TDRD1: variants seen among roughly 807,000 people sequenced by gnomAD.
TDRD1 encodes tudor domain-containing protein 1.
A neutral mutation model predicts 140.6 loss-of-function variants in TDRD1; 37 were observed. The observed-to-expected ratio is 0.26, with a 90% CI of 0.20 to 0.35. TDRD1 has a LOEUF of 0.35. Among genes scored for constraint, TDRD1 ranks in the 10% least tolerant of loss-of-function variants. The pLI is 1.00. For missense variants in TDRD1, 1,243 were observed against 1,393.0 expected (o/e 0.89, Z 1.71); for synonymous variants, 506 against 475.7 (o/e 1.06, Z -0.83).
At chr10:114,197,204 T>C (rs2034424888) in intron 3 of TDRD1, among the ~76,000 whole-genome samples, 1 of 152,088 alleles carries the variant, frequency 6.6e-6, no homozygotes. Flanking sequence ...TCTGAAGTCA[T>C]AGAATACTAG....
At chr10:114,225,979 G>C in intron 21 of TDRD1, 70 bp from the exon 22 acceptor site, 1 of 1,306,734 alleles carries the variant, frequency 7.7e-7, no homozygotes, top group South Asian at 1.2e-5. Context: ...ATATAACTAT[G>C]AATAGCCATC....
intron 2 of TDRD1, among the ~76,000 whole-genome samples, chr10:114,190,100 A>C (rs1183250847): frequency 6.6e-6 from 1 of 152,076 alleles, no homozygotes; most frequent in Non-Finnish European, 1.5e-5. Flanking sequence ...TTTTTTTTTC[A>C]GATACCAAAA....
chr10:114,206,097 C>T (rs1390679494), intron 10 of TDRD1, 147 bp from the exon 11 acceptor site: 4 of 611,434 alleles, frequency 6.5e-6, no homozygotes, highest in Non-Finnish European at 8.6e-6. Context: ...ATAGCTTACC[C>T]ATAGGAACTG....
At chr10:114,217,174 C>T (rs1485074044) in intron 16 of TDRD1, among the ~76,000 whole-genome samples, 1 of 152,190 alleles carries the variant, frequency 6.6e-6, no homozygotes, top group South Asian at 2.1e-4. Context: ...ACTTCTTATA[C>T]ATTACCTGTG....
chr10:114,209,727 T>G (rs2035362088), intron 11 of TDRD1, among the ~76,000 whole-genome samples: 1 of 152,230 alleles, frequency 6.6e-6, no homozygotes, highest in African/African-American at 2.4e-5. Context: ...GCCTCCCCTT[T>G]GTCTTCAGAG....
chr10:114,231,500 G>C, exon 26 of TDRD1: 1 of 1,601,750 alleles, frequency 6.2e-7, no homozygotes, highest in Non-Finnish European at 8.5e-7. Flanking sequence ...AGCATCTCTT[G>C]GAGGTAAACC....
At chr10:114,202,975 T>C in intron 6 of TDRD1, 97 bp from the exon 7 acceptor site, 1 of 783,976 alleles carries the variant, frequency 1.3e-6, no homozygotes, top group Non-Finnish European at 2.2e-6. Flanking sequence ...GCCTAAGAGT[T>C]AGGATATTGT....
exon 2 of TDRD1, chr10:114,188,115 A>G (rs1287927435): frequency 6.2e-7 from 1 of 1,607,154 alleles, no homozygotes; most frequent in Admixed American, 1.7e-5. Context: ...ATCAACGGAG[A>G]AGTAGTTGGC....
Position 114,181,628 on chromosome 10 carries a change from C to T in TDRD1, c.-7+2212C>T, listed in dbSNP as rs543430891. 3.1e-4 allele frequency among the ~76,000 whole-genome samples: 47 copies of T among 152,122 alleles called. No homozygotes were observed. The South Asian group carries it at 3.7e-3, about 12-fold the overall frequency. ...CAGCGCTTCGGGAGGCTGAGGCGGG[C>T]GGATCACCTGAGGTTAGGAGTTTGA... On this transcript the variant is annotated intron_variant, in intron 1 of 25. Transcript: ENST00000251864.
intron 25 of TDRD1, chr10:114,228,339 CA>C: frequency 1.5e-6 from 2 of 1,313,388 alleles, no homozygotes; most frequent in Non-Finnish European, 1.9e-6. Context: ...ACTGAACCCC[CA>C]GGGGTATTCC....
chr10:114,229,450 C>A (rs144967717), intron 25 of TDRD1, among the ~76,000 whole-genome samples: 1 of 152,024 alleles, frequency 6.6e-6, no homozygotes, highest in African/African-American at 2.4e-5. Flanking sequence ...TCTCATGTTT[C>A]CTTTTACAAA....
chr10:114,190,089 CT>C (rs201554155), intron 2 of TDRD1, among the ~76,000 whole-genome samples: 21 of 151,570 alleles, frequency 1.4e-4, no homozygotes, highest in Middle Eastern at 3.4e-3. Flanking sequence ...GGAGGCCAAA[CT>C]TTTTTTTTCA....
chr10:114,196,704 T>C (rs1463016820), intron 3 of TDRD1, among the ~76,000 whole-genome samples: 1 of 152,078 alleles, frequency 6.6e-6, no homozygotes, highest in Non-Finnish European at 1.5e-5. Context: ...CTCTTTCTGC[T>C]TTCAAGCTTT....
intron 11 of TDRD1, among the ~76,000 whole-genome samples, chr10:114,208,579 A>C (rs2035277361): frequency 6.6e-6 from 1 of 152,068 alleles, no homozygotes; most frequent in Admixed American, 6.6e-5. Flanking sequence ...GCCCAGCTGC[A>C]CTCAGCCTGG....
At chr10:114,204,643 ATTCT>A (rs2034984041) in intron 9 of TDRD1, 75 bp from the exon 10 acceptor site, 5 of 1,377,774 alleles carry the variant, frequency 3.6e-6, no homozygotes, top group African/African-American at 1.5e-5. Context: ...CATGAAATAC[ATTCT>A]TTTATATACA....
intron 16 of TDRD1, among the ~76,000 whole-genome samples, chr10:114,214,924 A>G (rs11599361): frequency 0.011 from 1,719 of 151,808 alleles, 11 homozygotes; most frequent in Non-Finnish European, 0.018. Context: ...TGTATTTTTA[A>G]TAAAGGTGGG....
At chr10:114,199,417 T>C (rs993174057) in intron 4 of TDRD1, 100 bp downstream of exon 4, 2 of 1,432,626 alleles carry the variant, frequency 1.4e-6, no homozygotes, top group African/African-American at 2.9e-5. Context: ...ATTAGAACAG[T>C]GTCCCCATGC....
chr10:114,199,862 A>C (rs2034613685), intron 4 of TDRD1, among the ~76,000 whole-genome samples: 1 of 152,158 alleles, frequency 6.6e-6, no homozygotes, highest in South Asian at 2.1e-4. Context: ...TCTATTGATG[A>C]ATATTTTGGC....
upstream of TDRD1, among the ~76,000 whole-genome samples, chr10:114,177,742 G>A (rs1434568857): frequency 6.6e-6 from 1 of 152,032 alleles, no homozygotes; most frequent in East Asian, 1.9e-4. Context: ...TATAACAAAT[G>A]TATCATGCTA....
Sources: allele counts gnomAD v4.1 joint callset (sites outside exome capture counted in the v4.1 genomes callset), GRCh38; gene constraint gnomAD v4.1.1; transcripts MANE v1.5; gene names NCBI Gene and HGNC (gene_info 2026-07-23, HGNC 2026-07-21).